The following MARCHF1 variants were observed in gnomAD, a reference collection of about 807,000 sequenced individuals.
MARCHF1 encodes the protein membrane associated ring-CH-type finger 1.
MARCHF1 carries 40 observed loss-of-function variants against 54.2 expected under a neutral mutation model. That is an observed-to-expected ratio of 0.74 (90% CI 0.57 to 0.96). MARCHF1 has a LOEUF of 0.96. Among genes scored for constraint, MARCHF1 ranks in the 40% least tolerant of loss-of-function variants. The pLI, the probability that MARCHF1 is intolerant of heterozygous loss-of-function variation, is 0.00. For synonymous variants in MARCHF1, 236 were observed against 236.3 expected, an observed-to-expected ratio of 1.00 and a Z score of 0.01; for missense variants, 586 against 656.5, an observed-to-expected ratio of 0.89 and a Z score of 1.17.
intron 3 of MARCHF1, among the ~76,000 whole-genome samples, chr4:163,970,136 C>G (rs1292001146): frequency 6.6e-6 from 1 of 152,168 alleles, no homozygotes; most frequent in East Asian, 1.9e-4. Flanking sequence ...TCAAGGTTCT[C>G]TTCATGACAT....
At chr4:163,804,472 A>C (rs1378020482) in intron 4 of MARCHF1, among the ~76,000 whole-genome samples, 2 of 152,174 alleles carry the variant, frequency 1.3e-5, no homozygotes, top group Non-Finnish European at 2.9e-5. Context: ...ATTCTGATGC[A>C]CACAAAAGTT....
At chr4:163,934,088 T>C (rs1751739378) in intron 3 of MARCHF1, among the ~76,000 whole-genome samples, 1 of 152,160 alleles carries the variant, frequency 6.6e-6, no homozygotes, top group Non-Finnish European at 1.5e-5. Context: ...CTTTAGTACT[T>C]TTCCATGCAG....
At chr4:163,713,181 G>A (rs943543794) in intron 4 of MARCHF1, among the ~76,000 whole-genome samples, 3 of 151,712 alleles carry the variant, frequency 2.0e-5, no homozygotes, top group African/African-American at 7.3e-5. Context: ...ATTAATTATT[G>A]GAAAAATAGT....
At chr4:164,053,151 C>A (rs1472281417) in intron 2 of MARCHF1, among the ~76,000 whole-genome samples, 1 of 152,112 alleles carries the variant, frequency 6.6e-6, no homozygotes, top group Non-Finnish European at 1.5e-5. Context: ...TGATTTATAA[C>A]ACACAGAGTA....
intron 1 of MARCHF1, among the ~76,000 whole-genome samples, chr4:164,327,326 A>T (rs1402325964): frequency 6.6e-6 from 1 of 152,218 alleles, no homozygotes; most frequent in Non-Finnish European, 1.5e-5. Context: ...ATGACTGTTG[A>T]GACGAGTCTT....
chr4:163,717,955 T>C (rs897922368), intron 4 of MARCHF1, among the ~76,000 whole-genome samples: 3 of 152,074 alleles, frequency 2.0e-5, no homozygotes, highest in African/African-American at 7.2e-5. Context: ...AAAACAGAGA[T>C]ATAGACCAAT....
chr4:163,583,652 G>GTTTTTTTTTTTTTTTTTTTTT (rs11350711), intron 8 of MARCHF1: 1 of 123,826 alleles, frequency 8.1e-6, no homozygotes, highest in Admixed American at 8.5e-5. Context: ...TTTTTTGTGT[G>GTTTTTTTTTTTTTTTTTTTTT]TTTTTTTTTT....
intron 2 of MARCHF1, among the ~76,000 whole-genome samples, chr4:163,993,350 T>A (rs1452990605): frequency 6.6e-6 from 1 of 152,164 alleles, no homozygotes; most frequent in African/African-American, 2.4e-5. Flanking sequence ...GCAAGTATCT[T>A]GTGTAATTAC....
chr4:164,126,895 A>C, intron 1 of MARCHF1, among the ~76,000 whole-genome samples: 1 of 152,104 alleles, frequency 6.6e-6, no homozygotes, highest in Non-Finnish European at 1.5e-5. Context: ...AGCTCTACAA[A>C]ATACAAAAAT....
Position 163,980,434 on chromosome 4 carries a change from T to C in MARCHF1, c.-39+8067A>G, listed in dbSNP as rs573940793. ...AAACCCTAGAAGAAAACCTAGGCAT[T>C]ACCATTCAGGACATAGGCATGGGCA... On this transcript the variant is annotated intron_variant, in intron 3 of 9. Transcript: ENST00000514618. Among the ~76,000 whole-genome samples the C allele has an allele frequency of 2.6e-3, 386 of 149,544 alleles. 1 individual carries two copies. Among genetic ancestry groups the C allele is most frequent in the African/African-American group, 9.1e-3 (369 of 40,434 alleles).
Position 163,809,267 on chromosome 4 carries a change from T to C in MARCHF1, c.111+44754A>G, listed in dbSNP as rs148315253. ...ATAGCTATGGGTTATGCAAAATAGC[T>C]TACTAATAGTAAGAAGAAAAACCTT... On this transcript the variant is annotated intron_variant, in intron 4 of 9. Transcript: ENST00000514618. Among the ~76,000 whole-genome samples the C allele has an allele frequency of 8.4e-3, 1,274 of 152,294 alleles. 17 individuals are homozygous for C. The highest frequency in any genetic ancestry group is 0.026 in the South Asian group (125 of 4,822).
intron 3 of MARCHF1, among the ~76,000 whole-genome samples, chr4:163,945,616 G>C (rs767330156): frequency 6.6e-6 from 1 of 152,112 alleles, no homozygotes; most frequent in African/African-American, 2.4e-5. Flanking sequence ...CCATAAACTA[G>C]CTTATTATTA....
At chr4:163,547,025 T>C (rs1037620822) in intron 8 of MARCHF1, among the ~76,000 whole-genome samples, 8 of 152,212 alleles carry the variant, frequency 5.3e-5, no homozygotes, top group African/African-American at 1.9e-4. Context: ...CTTTACATTA[T>C]TACGCCCTCA....
chr4:163,745,220 C>T (rs1329013763), intron 4 of MARCHF1, among the ~76,000 whole-genome samples: 2 of 150,844 alleles, frequency 1.3e-5, no homozygotes, highest in Non-Finnish European at 2.9e-5. Context: ...TCAAGCCATT[C>T]TCTGCTTCAG....
chr4:163,870,580 G>A (rs1579354675), intron 3 of MARCHF1, among the ~76,000 whole-genome samples: 2 of 152,212 alleles, frequency 1.3e-5, no homozygotes, highest in East Asian at 3.9e-4. Flanking sequence ...AAAGCAAAGT[G>A]GGATGAATTC....
At chr4:163,642,971 GTGTGTGTATA>G (rs1365577405) in intron 5 of MARCHF1, among the ~76,000 whole-genome samples, 1 of 151,848 alleles carries the variant, frequency 6.6e-6, no homozygotes, top group East Asian at 1.9e-4. Context: ...ATGTGTATGT[GTGTGTGTATA>G]TATACACACA....
At chr4:164,077,120 C>T (rs1169609233) in intron 2 of MARCHF1, among the ~76,000 whole-genome samples, 1 of 152,192 alleles carries the variant, frequency 6.6e-6, no homozygotes, top group Admixed American at 6.5e-5. Context: ...CGCTACTTGA[C>T]TTCAAACTAT....
chr4:163,953,610 C>T (rs1369581029), intron 3 of MARCHF1, among the ~76,000 whole-genome samples: 1 of 151,936 alleles, frequency 6.6e-6, no homozygotes, highest in Non-Finnish European at 1.5e-5. Flanking sequence ...AATAGTAATC[C>T]ACTGTTAACA....
At chr4:164,252,053 C>A (rs1329938718) in intron 1 of MARCHF1, among the ~76,000 whole-genome samples, 1 of 151,980 alleles carries the variant, frequency 6.6e-6, no homozygotes, top group Non-Finnish European at 1.5e-5. Flanking sequence ...AACTAAAATG[C>A]ATTAGAATTT....
Sources: gnomAD v4.1 joint callset for allele counts (sites outside exome capture counted in the v4.1 genomes callset) on GRCh38, gnomAD v4.1.1 for gene constraint, MANE v1.5 for transcripts, NCBI Gene and HGNC (gene_info 2026-07-23, HGNC 2026-07-21) for gene names.